The following EDEM1 variants were observed in gnomAD, a reference collection of about 807,000 sequenced individuals.
EDEM1 encodes the protein ER degradation-enhancing alpha-mannosidase-like protein 1.
In EDEM1, 67 loss-of-function variants were observed where a neutral mutation model predicts 74.4. The ratio of observed to expected loss-of-function variants is 0.90; its 90% CI spans 0.74 to 1.10. The LOEUF is 1.10. Among genes scored for constraint, EDEM1 ranks in the 50% least tolerant of loss-of-function variants. The pLI, the probability that EDEM1 is intolerant of heterozygous loss-of-function variation, is 0.00. For missense variants in EDEM1, 926 were observed against 851.6 expected (o/e 1.09, Z -1.09); for synonymous variants, 382 against 335.9 (o/e 1.14, Z -1.50).
rs1428531360 is a variant in EDEM1, at chr3:5,188,009, G to A, written c.204G>A (p.Gly68=). ...TGGGCCGGCCTGGGGGGGTATCCGG[G>A]CCGTCGTGGCTGCAGCCGCCGGGGA... ...GPVGRPGGVS[G]PSWLQPPGTG... The change falls in exon 1 of 12, where the codon GGG becomes GGA. Residue 68 remains glycine (G), a synonymous_variant. Coordinates refer to ENST00000256497, the MANE Select transcript of EDEM1 (RefSeq NM_014674.3). 6.7e-7 allele frequency: 1 copy of A among 1,489,784 alleles called. No homozygotes were observed. Among genetic ancestry groups the A allele is most frequent in the African/African-American group, 1.5e-5 (1 of 68,134 alleles). The allele number at this position is 1,489,784 out of a possible 1,614,324, so 92.3% of individuals were successfully genotyped here. A position where few individuals can be genotyped will look rare whatever the true frequency, so the allele number is the denominator to read the frequency against.
rs1193492467 is a variant in EDEM1 at position 5,188,277 on chromosome 3, A to T, written c.472A>T (p.Ile158Phe). Residue 158 changes from isoleucine (I) to phenylalanine (F), a missense_variant, in exon 1 of 12, where the codon ATC becomes TTC. Coordinates refer to ENST00000256497, the MANE Select transcript of EDEM1 (RefSeq NM_014674.3). Reference protein sequence around the residue: ...HAFPQDELNPIHCRGRGPDRG... With the variant: ...HAFPQDELNPFHCRGRGPDRG... ...CTTCCCCCAGGACGAGCTCAACCCC[A>T]TCCACTGCCGCGGCCGTGGGCCCGA... The T allele has an allele frequency of 6.5e-7, 1 of 1,550,248 alleles. No homozygotes were observed. The highest frequency in any genetic ancestry group is 1.2e-5 in the South Asian group (1 of 84,790).
Position 5,195,457 on chromosome 3 carries a change from G to C in EDEM1, c.582+176G>C, listed in dbSNP as rs563861508. Among the ~76,000 whole-genome samples the C allele has an allele frequency of 7.9e-5, 12 of 152,210 alleles. No individual in the cohort carries two copies. The South Asian group carries it at 2.5e-3, about 32-fold the overall frequency. ...TGGGGAGAACAAGAAAAGTGTTGAA[G>C]GTTAAATGAGGGGAAATGTGATTCC... On this transcript the variant is annotated intron_variant, in intron 2 of 11. Coordinates refer to ENST00000256497, the MANE Select transcript of EDEM1 (RefSeq NM_014674.3).
chr3:5,207,926 G>T (rs890390797), intron 7 of EDEM1, among the ~76,000 whole-genome samples, 167 bp from the exon 8 acceptor site: 7 of 152,180 alleles, frequency 4.6e-5, no homozygotes, highest in Admixed American at 4.6e-4. Context: ...GATAGGGAGG[G>T]CATTTATTTG....
intron 1 of EDEM1, among the ~76,000 whole-genome samples, chr3:5,191,258 C>A (rs2054898835): frequency 6.6e-6 from 1 of 152,128 alleles, no homozygotes; most frequent in Admixed American, 6.5e-5. Context: ...GGGTATTGTT[C>A]TGTCACCCAG....
At chr3:5,202,563 C>T (rs867162342) in intron 4 of EDEM1, among the ~76,000 whole-genome samples, 14 of 152,126 alleles carry the variant, frequency 9.2e-5, no homozygotes, top group Non-Finnish European at 1.6e-4. Context: ...CTTTCTTGCC[C>T]AGTTTGAGGT....
intron 1 of EDEM1, among the ~76,000 whole-genome samples, chr3:5,190,796 CT>C (rs1456866175): frequency 1.3e-5 from 2 of 152,312 alleles, no homozygotes; most frequent in Admixed American, 1.3e-4. Flanking sequence ...ACACTTGCCA[CT>C]TACAAACAGT....
At position 5,205,162 on chromosome 3, in the gene EDEM1, T is replaced by C. The variant is rs760878511; in HGVS notation, c.1138T>C (p.Tyr380His). 2.5e-6 allele frequency: 4 copies of C among 1,614,256 alleles called. No individual in the cohort carries two copies. ...DSFYEYLLKSYILFGEKEDLE... is the reference protein window; with the variant it reads ...DSFYEYLLKSHILFGEKEDLE... ...CTTCTATGAATACCTCTTGAAATCT[T>C]ACATTCTCTTTGGAGAAAAAGAAGA... is the stretch of plus-strand genomic sequence containing the variant. Residue 380 changes from tyrosine to histidine, a missense_variant, in exon 6 of 12, where the codon TAC (tyrosine) becomes CAC (histidine). Coordinates refer to ENST00000256497, the MANE Select transcript of EDEM1 (RefSeq NM_014674.3).
intron 6 of EDEM1, among the ~76,000 whole-genome samples, chr3:5,205,742 A>G (rs2055087958): frequency 6.6e-6 from 1 of 152,208 alleles, no homozygotes. Context: ...GATCTGAGAG[A>G]AAAAGAAAGA....
At chr3:5,189,243 T>C (rs527684647) in intron 1 of EDEM1, among the ~76,000 whole-genome samples, 1 of 152,296 alleles carries the variant, frequency 6.6e-6, no homozygotes, top group Non-Finnish European at 1.5e-5. Context: ...GAGGAGTTGG[T>C]TTGCTCAGTG....
chr3:5,216,239 A>C lies in EDEM1; in HGVS notation c.*321A>C, dbSNP rs2055233983. The C allele has an allele frequency of 3.6e-6, 1 of 281,316 alleles. No homozygotes were observed. Among genetic ancestry groups the C allele is most frequent in the African/African-American group, 2.2e-5 (1 of 45,514 alleles). 17.4% of individuals were successfully genotyped at this position (281,316 alleles called of 1,614,324 possible). ...TCACAGCTTTATACTTCAGAACCTA[A>C]GTCTCTTCACTTTGCTGGCACCTGC... On this transcript the variant is annotated 3_prime_UTR_variant, in exon 12 of 12. Transcript: ENST00000256497.
chr3:5,215,085 C>A (rs189591208), intron 11 of EDEM1, among the ~76,000 whole-genome samples: 2 of 152,172 alleles, frequency 1.3e-5, no homozygotes, highest in Admixed American at 1.3e-4. Flanking sequence ...CTGGTGGGGG[C>A]AGTCGGGACC....
chr3:5,208,409 T>C lies in EDEM1; in HGVS notation c.1509+146T>C, dbSNP rs1449903878. The C allele has an allele frequency of 3.1e-6, 3 of 959,238 alleles. No homozygotes were observed. In the Admixed American group the frequency reaches 8.9e-5, roughly 28 times the overall value. 59.4% of individuals were successfully genotyped at this position (959,238 alleles called of 1,614,324 possible). On this transcript the variant is annotated intron_variant, in intron 8 of 11. Transcript: ENST00000256497. ...AGTTACCCCCTATCCGTAGTCTTGT[T>C]AGTGTTCAGTGTCATTCGTAACTTC...
intron 11 of EDEM1, among the ~76,000 whole-genome samples, 172 bp downstream of exon 11, chr3:5,213,694 C>A (rs147944801): frequency 6.6e-6 from 1 of 152,158 alleles, no homozygotes; most frequent in Non-Finnish European, 1.5e-5. Flanking sequence ...ATAGGGAAAC[C>A]GCAGGAGCAG....
At chr3:5,213,176 G>A (rs959011528) in intron 10 of EDEM1, 143 bp from the exon 11 acceptor site, 8 of 812,008 alleles carry the variant, frequency 9.9e-6, no homozygotes, top group Non-Finnish European at 1.5e-5. Context: ...ACAGTTGTCA[G>A]TCAATTCCTT....
At chr3:5,215,557 T>C (rs2055224245) in intron 11 of EDEM1, among the ~76,000 whole-genome samples, 1 of 152,210 alleles carries the variant, frequency 6.6e-6, no homozygotes, top group Non-Finnish European at 1.5e-5. Context: ...GGTCTTCACC[T>C]GAGGGTGATT....
At chr3:5,197,192 C>A (rs2106591595) in intron 2 of EDEM1, among the ~76,000 whole-genome samples, 1 of 151,194 alleles carries the variant, frequency 6.6e-6, no homozygotes, top group Middle Eastern at 3.4e-3. Flanking sequence ...AATGTTTGTT[C>A]AAAAAATGAA....
At chr3:5,208,531 T>C (rs957806398) in intron 8 of EDEM1, among the ~76,000 whole-genome samples, 1 of 152,166 alleles carries the variant, frequency 6.6e-6, no homozygotes, top group Non-Finnish European at 1.5e-5. Context: ...AACTCACATC[T>C]TTAAGTATTC....
chr3:5,196,315 G>A (rs2054966384), intron 2 of EDEM1, among the ~76,000 whole-genome samples: 1 of 152,138 alleles, frequency 6.6e-6, no homozygotes, highest in Non-Finnish European at 1.5e-5. Context: ...AAATTAGCTG[G>A]GCATGGTGGC....
In EDEM1 at chr3:5,188,180, G is replaced by A; in HGVS notation, c.375G>A (p.Gln125=). The A allele has an allele frequency of 6.4e-7, 1 of 1,566,396 alleles. No homozygotes were observed. The highest frequency in any genetic ancestry group is 8.6e-7 in the Non-Finnish European group (1 of 1,158,014). ...GCTACAGCGGCGCCTTCCCTCCGCA[G>A]CTGCGTGCCCAGATGCGCGACCTGG... ...EKRYSGAFPP[Q]LRAQMRDLAR... The change falls in exon 1 of 12, where the codon CAG becomes CAA. Residue 125 remains glutamine (Q), a synonymous_variant. Transcript: ENST00000256497.
Sources: allele counts gnomAD v4.1 joint callset (sites outside exome capture counted in the v4.1 genomes callset), GRCh38; gene constraint gnomAD v4.1.1; transcripts MANE v1.5; gene names NCBI Gene and HGNC (gene_info 2026-07-23, HGNC 2026-07-21).